Variants in SEM1 observed in about 807,000 individuals in gnomAD.
The protein encoded by SEM1 is SEM1 26S proteasome subunit, also known as 26S proteasome complex subunit SEM1.
Under a neutral mutation model 12.7 loss-of-function variants are expected in SEM1, and 3 were observed. The observed-to-expected ratio is 0.24, with a 90% confidence interval of 0.11 to 0.61. The LOEUF is 0.61. Among genes scored for constraint, SEM1 ranks in the 20% least tolerant of loss-of-function variants. The pLI is 0.88. For missense variants in SEM1, 59 were observed against 81.3 expected, an observed-to-expected ratio of 0.73 and a Z score of 1.06; for synonymous variants, 30 against 27.8, an observed-to-expected ratio of 1.08 and a Z score of -0.25.
chr7:96,553,976 T>C (rs1334607256), intron 2 of SEM1, among the ~76,000 whole-genome samples: 1 of 151,810 alleles, frequency 6.6e-6, no homozygotes, highest in Non-Finnish European at 1.5e-5. Context: ...GGGAGTTCAC[T>C]CATGATTTGG....
At chr7:96,655,805 T>G (rs1221581317) in intron 2 of SEM1, among the ~76,000 whole-genome samples, 2 of 152,336 alleles carry the variant, frequency 1.3e-5, no homozygotes, top group East Asian at 3.9e-4. Context: ...CTTTTCCATT[T>G]TGTCATTTCC....
chr7:96,684,323 T>C (rs184115544), downstream of SEM1, among the ~76,000 whole-genome samples: 7 of 152,240 alleles, frequency 4.6e-5, no homozygotes, highest in East Asian at 1.4e-3. Context: ...TGTCCATCCT[T>C]GTATCCAATC....
intron 2 of SEM1, among the ~76,000 whole-genome samples, chr7:96,674,017 G>A (rs770014510): frequency 2.0e-5 from 3 of 151,680 alleles, no homozygotes; most frequent in South Asian, 2.1e-4. Context: ...CCTGACTCCC[G>A]CCAGCCAAAT....
chr7:96,528,832 C>T (rs73241548), intron 2 of SEM1, among the ~76,000 whole-genome samples: 2,818 of 152,182 alleles, frequency 0.019, 33 homozygotes, highest in Non-Finnish European at 0.028. Context: ...GTCTTCTCAT[C>T]CTATACCCAC....
At chr7:96,503,514 C>A (rs529863632) in intron 3 of SEM1, 1 of 152,064 alleles carries the variant, frequency 6.6e-6, no homozygotes, top group Non-Finnish European at 1.5e-5. Context: ...GACTGCATAT[C>A]GTGAATTGCG....
At chr7:96,533,650 G>A (rs530021027) in intron 2 of SEM1, among the ~76,000 whole-genome samples, 80 of 152,014 alleles carry the variant, frequency 5.3e-4, no homozygotes, top group African/African-American at 1.9e-3. Flanking sequence ...CCCTCCTTTG[G>A]TGTCCCTACA....
intron 2 of SEM1, among the ~76,000 whole-genome samples, chr7:96,554,407 G>A (rs1034670580): frequency 6.6e-5 from 9 of 137,238 alleles, no homozygotes; most frequent in Non-Finnish European, 1.3e-4. Context: ...TAGCATGAAG[G>A]GTTGTTGTAT....
intron 1 of SEM1, among the ~76,000 whole-genome samples, chr7:96,705,645 A>G (rs1215306654): frequency 6.6e-5 from 10 of 151,810 alleles, no homozygotes; most frequent in Admixed American, 2.0e-4. Flanking sequence ...GGCTAACACC[A>G]TGAAACCCCA....
At chr7:96,690,494 C>A (rs187768658) in intron 2 of SEM1, among the ~76,000 whole-genome samples, 6 of 152,146 alleles carry the variant, frequency 3.9e-5, no homozygotes, top group Middle Eastern at 3.4e-3. Flanking sequence ...ATTGAGGCCA[C>A]CAAGTACAAA....
chr7:96,495,917 C>T (rs1166402413), intron 1 of SEM1, among the ~76,000 whole-genome samples: 2 of 152,088 alleles, frequency 1.3e-5, no homozygotes, highest in Non-Finnish European at 2.9e-5. Flanking sequence ...CCCCTCCCTT[C>T]ACCTACCTAC....
chr7:96,665,376 G>A (rs1338538839), intron 2 of SEM1, among the ~76,000 whole-genome samples: 3 of 152,100 alleles, frequency 2.0e-5, no homozygotes, highest in Admixed American at 1.3e-4. Flanking sequence ...TATATTTCCC[G>A]CCTAAAAATA....
rs181339831 is a variant in SEM1 at position 96,538,725 on chromosome 7, A to T, written c.171-32027T>A. ...TGTCTCTGAGTTGTGAACTTCAGAAAAATATAGCTCTACCCTCTGCTCTCA... is the reference window on the plus strand; with the variant it reads ...TGTCTCTGAGTTGTGAACTTCAGAATAATATAGCTCTACCCTCTGCTCTCA... On this transcript the variant is annotated intron_variant and NMD_transcript_variant, in intron 2 of 3. Transcript: ENST00000466986. Among the ~76,000 whole-genome samples the T allele has an allele frequency of 2.1e-3, 313 of 151,872 alleles. 7 individuals are homozygous for T. The highest frequency in any genetic ancestry group is 0.02 in the Admixed American group (309 of 15,194).
At chr7:96,641,255 A>G (rs1218913362) in intron 2 of SEM1, among the ~76,000 whole-genome samples, 1 of 151,928 alleles carries the variant, frequency 6.6e-6, no homozygotes. Flanking sequence ...TTCTTTGAGA[A>G]GACTAGCTAG....
At position 96,484,824 on chromosome 7, in the gene SEM1, C is replaced by A. The variant is rs1353531198; in HGVS notation, c.257+1G>T. Reference sequence around the variant, plus strand: ...ATCCATTTATATCTTTGTTCCATTACCTTGCCCACTTCTTTTTTCTTGAGG... The same window carrying A: ...ATCCATTTATATCTTTGTTCCATTAACTTGCCCACTTCTTTTTTCTTGAGG... On this transcript the variant is annotated splice_donor_variant, in intron 3 of 3. Transcript: ENST00000356686. LOFTEE classifies it high-confidence loss of function. 2.3e-6 allele frequency: 3 copies of A among 1,287,342 alleles called. No individual in the cohort carries two copies. 79.7% of individuals were successfully genotyped at this position (1,287,342 alleles called of 1,614,324 possible). A position where few individuals can be genotyped will look rare whatever the true frequency, so the allele number is the denominator to read the frequency against.
intron 2 of SEM1, among the ~76,000 whole-genome samples, chr7:96,553,204 T>A (rs1286510486): frequency 1.3e-5 from 2 of 150,100 alleles, no homozygotes; most frequent in African/African-American, 4.9e-5. Context: ...TTTAATTAGA[T>A]CCCATTTGTC....
chr7:96,532,586 A>G (rs1258455597), intron 2 of SEM1, among the ~76,000 whole-genome samples: 1 of 152,120 alleles, frequency 6.6e-6, no homozygotes, highest in Non-Finnish European at 1.5e-5. Context: ...TGGTAAATTG[A>G]TAAACAGATC....
intron 2 of SEM1, among the ~76,000 whole-genome samples, chr7:96,600,199 G>A (rs923042898): frequency 2.6e-5 from 4 of 152,164 alleles, no homozygotes; most frequent in Non-Finnish European, 4.4e-5. Flanking sequence ...CAGAAGCCAT[G>A]CAAGTCTCTG....
intron 2 of SEM1, among the ~76,000 whole-genome samples, chr7:96,544,097 T>G (rs535060976): frequency 8.5e-5 from 13 of 152,144 alleles, no homozygotes; most frequent in African/African-American, 3.1e-4. Flanking sequence ...CCCATCAGCG[T>G]TAAAACATCA....
rs376025941 is a variant in SEM1 at position 96,632,542 on chromosome 7, G to T, written c.171-9899C>A. Reference sequence around the variant, plus strand: ...TACAGGGAGGGGAACATCACACACTGGGGCCTGTCAGGGGGTGGCGGACTA... The same window carrying T: ...TACAGGGAGGGGAACATCACACACTTGGGCCTGTCAGGGGGTGGCGGACTA... On this transcript the variant is annotated intron_variant, in intron 2 of 2. Transcript: ENST00000417009. Among the ~76,000 whole-genome samples, 63 of 152,112 alleles carry T rather than the reference G, an allele frequency of 4.1e-4. 1 individual carries two copies. The South Asian group carries it at 0.013, about 31-fold the overall frequency.
Sources: allele counts gnomAD v4.1 joint callset (sites outside exome capture counted in the v4.1 genomes callset), GRCh38; gene constraint gnomAD v4.1.1; transcripts MANE v1.5; gene names NCBI Gene and HGNC (gene_info 2026-07-23, HGNC 2026-07-21).